EXOC6B: variants seen among roughly 807,000 people sequenced by gnomAD.
EXOC6B encodes the protein exocyst complex component 6B.
Under a neutral mutation model 113.5 loss-of-function variants are expected in EXOC6B, and 54 were observed. That is an observed-to-expected ratio of 0.48 (90% CI 0.38 to 0.60). The LOEUF (loss-of-function observed/expected upper bound fraction) is 0.60, where lower values mean the gene tolerates loss of function less well. EXOC6B is among the 20% of genes least tolerant of loss of function. The pLI, the probability that EXOC6B is intolerant of heterozygous loss-of-function variation, is 0.00. For missense variants in EXOC6B, 797 were observed against 977.5 expected (o/e 0.82, Z 2.46); for synonymous variants, 357 against 339.0 (o/e 1.05, Z -0.58).
At chr2:72,233,315 G>A (rs1291731965) in intron 20 of EXOC6B, among the ~76,000 whole-genome samples, 2 of 152,096 alleles carry the variant, frequency 1.3e-5, no homozygotes, top group Non-Finnish European at 2.9e-5. Context: ...CACTGACCCT[G>A]CAGGCCAATC....
intron 1 of EXOC6B, among the ~76,000 whole-genome samples, chr2:72,795,584 A>G (rs561135515): frequency 1.6e-3 from 240 of 152,212 alleles, no homozygotes; most frequent in Non-Finnish European, 2.9e-3. Flanking sequence ...TCAAAAAATA[A>G]AGAAAGAAAA....
chr2:72,776,067 G>A (rs1431457433), intron 1 of EXOC6B, among the ~76,000 whole-genome samples: 1 of 151,872 alleles, frequency 6.6e-6, no homozygotes, highest in Non-Finnish European at 1.5e-5. Context: ...TATAGAGCAG[G>A]CAATAAAAAC....
chr2:72,265,888 T>C (rs1057011411), intron 20 of EXOC6B, among the ~76,000 whole-genome samples: 3 of 152,230 alleles, frequency 2.0e-5, no homozygotes, highest in African/African-American at 7.2e-5. Context: ...AAAGTGTTCC[T>C]ATTTCTCCAC....
At chr2:72,747,020 T>A (rs1681746851) in intron 1 of EXOC6B, among the ~76,000 whole-genome samples, 1 of 151,990 alleles carries the variant, frequency 6.6e-6, no homozygotes, top group African/African-American at 2.4e-5. Context: ...CAGAAAAAGC[T>A]AATGCAATAT....
intron 18 of EXOC6B, among the ~76,000 whole-genome samples, chr2:72,409,637 T>A (rs1694030313): frequency 6.7e-6 from 1 of 150,062 alleles, no homozygotes; most frequent in Non-Finnish European, 1.5e-5. Flanking sequence ...AAACACCGCA[T>A]GTTCTCACTC....
In EXOC6B at chr2:72,496,569, G is replaced by A. The variant is rs1700045070; in HGVS notation, c.1338-10C>T. ...AGAATCAAGTATGTTTCTATAAATGGAAGGATAGACAAAGGGAAGGGAAGG... is the reference window on the plus strand; with the variant it reads ...AGAATCAAGTATGTTTCTATAAATGAAAGGATAGACAAAGGGAAGGGAAGG... On this transcript the variant is annotated splice_polypyrimidine_tract_variant and intron_variant, in intron 13 of 21. Coordinates refer to ENST00000272427, the MANE Select transcript of EXOC6B (RefSeq NM_015189.3). The A allele has an allele frequency of 6.7e-7, 1 of 1,482,712 alleles. No homozygotes were observed. The highest frequency in any genetic ancestry group is 1.9e-5 in the Admixed American group (1 of 52,822). The allele number at this position is 1,482,712 out of a possible 1,614,324, so 91.8% of individuals were successfully genotyped here.
At chr2:72,496,427 A>T in intron 14 of EXOC6B, 27 bp downstream of exon 14, 1 of 1,418,096 alleles carries the variant, frequency 7.1e-7, no homozygotes, top group East Asian at 2.4e-5. Context: ...AAACAACCAG[A>T]GAAATTTATT....
At chr2:72,225,796 T>A (rs1284141107) in intron 20 of EXOC6B, among the ~76,000 whole-genome samples, 3 of 152,214 alleles carry the variant, frequency 2.0e-5, no homozygotes, top group Non-Finnish European at 4.4e-5. Context: ...CTTATCCATA[T>A]ATAAAGCACC....
At chr2:72,382,823 G>A (rs1203621388) in intron 18 of EXOC6B, among the ~76,000 whole-genome samples, 1 of 151,982 alleles carries the variant, frequency 6.6e-6, no homozygotes, top group Non-Finnish European at 1.5e-5. Context: ...CTACTTTGGT[G>A]CTATTGGATG....
Position 72,372,165 on chromosome 2 carries a change from A to G in EXOC6B, c.2122+7564T>C, listed in dbSNP as rs113045053. On this transcript the variant is annotated intron_variant, in intron 19 of 21. Coordinates refer to ENST00000272427, the MANE Select transcript of EXOC6B (RefSeq NM_015189.3). ...AAAATACTGATGAAAGAAATTAAAG[A>G]AGACACACACAAAAAAATGCAAAGA... is the stretch of plus-strand genomic sequence containing the variant. Among the ~76,000 whole-genome samples the G allele has an allele frequency of 1.4e-4, 22 of 152,334 alleles. 2 individuals carry two copies. The highest frequency in any genetic ancestry group is 4.6e-4 in the African/African-American group (19 of 41,580).
intron 1 of EXOC6B, among the ~76,000 whole-genome samples, chr2:72,766,756 T>C (rs111513864): frequency 0.065 from 9,877 of 151,206 alleles, 1,090 homozygotes; most frequent in African/African-American, 0.23. Flanking sequence ...GAGGTGGAGA[T>C]CAGCCTGGCC....
Position 72,718,274 on chromosome 2 carries a change from T to C in EXOC6B, c.498A>G (p.Leu166=), listed in dbSNP as rs201702148. 44 of 1,613,680 alleles carry C rather than the reference T, an allele frequency of 2.7e-5. No individual in the cohort carries two copies. The highest frequency in any genetic ancestry group is 4.5e-5 in the East Asian group (2 of 44,888). Residue 166 remains leucine, a synonymous_variant, in exon 6 of 22, where the codon CTA becomes CTG. Coordinates refer to ENST00000272427, the MANE Select transcript of EXOC6B (RefSeq NM_015189.3). ...HYPALKTLEH[L]EHTYLPQVSH... ...TTACTTGAGGCAGGTAGGTATGCTC[T>C]AGATGTTCCAGAGTTTTCAGTGCAG... is the stretch of plus-strand genomic sequence containing the variant.
At chr2:72,515,316 A>T (rs1385037776) in intron 8 of EXOC6B, 190 bp from the exon 9 acceptor site, 3 of 877,022 alleles carry the variant, frequency 3.4e-6, no homozygotes. Flanking sequence ...TTAGTTACAA[A>T]CCTGTAAGGA....
rs138727947 is a variant in EXOC6B, at chr2:72,689,505, C to A, written c.669+28598G>T. ...ACACCACAGTAGAAGGACTGGGATT[C>A]CTAATGATATAATCTTTCAGTTTCA... On this transcript the variant is annotated intron_variant, in intron 6 of 21. Transcript: ENST00000272427. 4.8e-3 allele frequency among the ~76,000 whole-genome samples: 726 copies of A among 152,266 alleles called. 5 individuals are homozygous for A. The highest frequency in any genetic ancestry group is 0.016 in the African/African-American group (668 of 41,538).
chr2:72,458,034 A>C (rs373774958), intron 18 of EXOC6B, among the ~76,000 whole-genome samples: 16 of 152,226 alleles, frequency 1.1e-4, no homozygotes, highest in African/African-American at 3.1e-4. Flanking sequence ...GTGGTAAAAT[A>C]TCCCTGAGAA....
At chr2:72,302,030 A>G (rs1033620037) in intron 20 of EXOC6B, among the ~76,000 whole-genome samples, 7 of 152,146 alleles carry the variant, frequency 4.6e-5, no homozygotes, top group African/African-American at 1.7e-4. Flanking sequence ...GGATTCTGGC[A>G]TGTTGTATCT....
intron 16 of EXOC6B, among the ~76,000 whole-genome samples, chr2:72,489,636 T>G (rs1699630733): frequency 6.6e-6 from 1 of 152,170 alleles, no homozygotes; most frequent in Admixed American, 6.5e-5. Context: ...GGCACAGCTA[T>G]TACGAGGAGG....
chr2:72,307,161 G>GTTTTTGTTTTT (rs758906963), intron 20 of EXOC6B, among the ~76,000 whole-genome samples: 1 of 128,514 alleles, frequency 7.8e-6, no homozygotes. Flanking sequence ...GTATAGTCCA[G>GTTTTTGTTTTT]TTTTTTTTTT....
chr2:72,549,977 C>T (rs1703118779), intron 8 of EXOC6B, among the ~76,000 whole-genome samples: 1 of 151,992 alleles, frequency 6.6e-6, no homozygotes, highest in Admixed American at 6.6e-5. Flanking sequence ...AATACAGTTT[C>T]AGGATAGTGC....
Sources: gnomAD v4.1 joint callset for allele counts (sites outside exome capture counted in the v4.1 genomes callset) on GRCh38, gnomAD v4.1.1 for gene constraint, MANE v1.5 for transcripts, NCBI Gene and HGNC (gene_info 2026-07-23, HGNC 2026-07-21) for gene names.